SHISA9: variants seen among roughly 807,000 people sequenced by gnomAD.
SHISA9 encodes the protein shisa family member 9.
In SHISA9, 13 loss-of-function variants were observed where a neutral mutation model predicts 38.0. That is an observed-to-expected ratio of 0.34 (90% confidence interval 0.22 to 0.54). SHISA9 has a LOEUF of 0.54. Among genes scored for constraint, SHISA9 ranks in the 20% least tolerant of loss-of-function variants. The pLI, the probability that SHISA9 is intolerant of heterozygous loss-of-function variation, is 0.91. For synonymous variants in SHISA9, 275 were observed against 242.0 expected, an observed-to-expected ratio of 1.14 and a Z score of -1.27; for missense variants, 538 against 575.8, an observed-to-expected ratio of 0.93 and a Z score of 0.67.
chr16:13,330,545 C>A, the SHISA9 span, among the ~76,000 whole-genome samples: 3 of 152,188 alleles, frequency 2.0e-5, no homozygotes, highest in African/African-American at 7.2e-5. Flanking sequence ...CATCTATCAT[C>A]CCACTTCTCC....
intron 4 of SHISA9, among the ~76,000 whole-genome samples, chr16:13,229,034 C>T (rs58502776): frequency 0.043 from 6,485 of 152,222 alleles, 158 homozygotes; most frequent in East Asian, 0.071. Context: ...GTGTCACATA[C>T]CTGGAATCCT....
chr16:13,430,091 G>A, the SHISA9 span, among the ~76,000 whole-genome samples: 2 of 151,986 alleles, frequency 1.3e-5, no homozygotes, highest in East Asian at 3.9e-4. Flanking sequence ...GAAAAGACAG[G>A]CATCTATAAG....
At chr16:12,938,191 A>C (rs1278344323) in intron 2 of SHISA9, among the ~76,000 whole-genome samples, 1 of 152,218 alleles carries the variant, frequency 6.6e-6, no homozygotes, top group African/African-American at 2.4e-5. Context: ...GAATAAAGCT[A>C]TGCTTGTTCC....
chr16:13,120,650 C>G (rs1170976817), intron 2 of SHISA9, among the ~76,000 whole-genome samples: 1 of 152,090 alleles, frequency 6.6e-6, no homozygotes, highest in African/African-American at 2.4e-5. Context: ...AGAGAAATAG[C>G]CCTGGAAGGT....
the SHISA9 span, among the ~76,000 whole-genome samples, chr16:13,436,415 C>T: frequency 4.6e-5 from 7 of 152,280 alleles, no homozygotes; most frequent in South Asian, 6.2e-4. Flanking sequence ...TAAATTACCC[C>T]ATATGGCCTA....
intron 1 of SHISA9, among the ~76,000 whole-genome samples, chr16:12,913,096 AT>A (rs1045632227): frequency 1.1e-4 from 16 of 152,296 alleles, no homozygotes; most frequent in African/African-American, 3.8e-4. Context: ...TTTTTGGTAT[AT>A]TTAAAAAGTG....
chr16:13,175,830 A>G (rs2050727159), intron 2 of SHISA9, among the ~76,000 whole-genome samples: 1 of 152,108 alleles, frequency 6.6e-6, no homozygotes, highest in Non-Finnish European at 1.5e-5. Flanking sequence ...CGTGCTTCCA[A>G]GGGTGGGTGG....
chr16:13,063,581 T>A (rs2073401003), intron 2 of SHISA9, among the ~76,000 whole-genome samples: 1 of 152,136 alleles, frequency 6.6e-6, no homozygotes, highest in South Asian at 2.1e-4. Context: ...AAGTACTGGG[T>A]CCTTCAGCAT....
intron 2 of SHISA9, among the ~76,000 whole-genome samples, chr16:13,138,886 C>T (rs576871591): frequency 9.9e-5 from 15 of 152,108 alleles, no homozygotes; most frequent in African/African-American, 3.1e-4. Flanking sequence ...GTTTTTAATT[C>T]CATGGTACCC....
chr16:13,430,374 T>C, the SHISA9 span, among the ~76,000 whole-genome samples: 1 of 152,254 alleles, frequency 6.6e-6, no homozygotes, highest in African/African-American at 2.4e-5. Flanking sequence ...TAGGGACAAA[T>C]TTCATGTTGC....
chr16:12,916,011 G>GT (rs34050190), intron 1 of SHISA9, among the ~76,000 whole-genome samples: 13,479 of 90,510 alleles, frequency 0.15, 1,232 homozygotes, highest in Non-Finnish European at 0.18. Context: ...GTGTGTGTGT[G>GT]TTTTTTTTTT....
At chr16:13,011,306 CAT>C (rs1490983195) in intron 2 of SHISA9, among the ~76,000 whole-genome samples, 1 of 148,882 alleles carries the variant, frequency 6.7e-6, no homozygotes, top group Non-Finnish European at 1.5e-5. Flanking sequence ...ACCATCATCT[CAT>C]ATTAGCACTC....
At chr16:13,323,956 C>T in the SHISA9 span, among the ~76,000 whole-genome samples, 1 of 152,116 alleles carries the variant, frequency 6.6e-6, no homozygotes, top group Non-Finnish European at 1.5e-5. Flanking sequence ...GCAGATTCCT[C>T]ATGAATGACT....
At chr16:13,327,288 C>A in the SHISA9 span, among the ~76,000 whole-genome samples, 1 of 152,042 alleles carries the variant, frequency 6.6e-6, no homozygotes, top group African/African-American at 2.4e-5. Flanking sequence ...TGGGGGTGGA[C>A]CCTGTACTTT....
chr16:13,257,702 C>T, the SHISA9 span, among the ~76,000 whole-genome samples: 3 of 152,116 alleles, frequency 2.0e-5, no homozygotes, highest in Admixed American at 6.5e-5. Context: ...GAGTGTCCAC[C>T]AGGGATCATA....
the SHISA9 span, among the ~76,000 whole-genome samples, chr16:13,464,844 C>T: frequency 6.7e-6 from 1 of 149,772 alleles, no homozygotes; most frequent in Non-Finnish European, 1.5e-5. Context: ...CCACCTTTTA[C>T]AGTTCAGAAA....
chr16:13,441,048 G>A, the SHISA9 span, among the ~76,000 whole-genome samples: 3 of 152,182 alleles, frequency 2.0e-5, no homozygotes, highest in East Asian at 1.9e-4. Context: ...GGAAGGGAGT[G>A]GAGAGGACAG....
At chr16:13,507,777 A>G in the SHISA9 span, among the ~76,000 whole-genome samples, 20 of 152,326 alleles carry the variant, frequency 1.3e-4, no homozygotes, top group Admixed American at 1.1e-3. Flanking sequence ...CCCAGAGGCC[A>G]GAGCAGCCAA....
intron 2 of SHISA9, among the ~76,000 whole-genome samples, chr16:13,051,102 A>G (rs2073246054): frequency 6.6e-6 from 1 of 152,238 alleles, no homozygotes; most frequent in South Asian, 2.1e-4. Context: ...ACGTACTTGT[A>G]TTAGTCTGTT....
Sources: allele counts gnomAD v4.1 joint callset (sites outside exome capture counted in the v4.1 genomes callset), GRCh38; gene constraint gnomAD v4.1.1; transcripts MANE v1.5; gene names NCBI Gene and HGNC (gene_info 2026-07-23, HGNC 2026-07-21).